CHP1: variants seen among roughly 807,000 people sequenced by gnomAD.
CHP1 encodes calcineurin like EF-hand protein 1.
Under a neutral mutation model 27.4 loss-of-function variants are expected in CHP1, and 11 were observed. That is an observed-to-expected ratio of 0.40 (90% CI 0.25 to 0.67). The LOEUF (loss-of-function observed/expected upper bound fraction) is 0.67, where lower values mean the gene tolerates loss of function less well. Among genes scored for constraint, CHP1 ranks in the 30% least tolerant of loss-of-function variants. The pLI, the probability that CHP1 is intolerant of heterozygous loss-of-function variation, is 0.38. For missense variants in CHP1, 169 were observed against 251.3 expected, an observed-to-expected ratio of 0.67 and a Z score of 2.22; for synonymous variants, 89 against 87.4, an observed-to-expected ratio of 1.02 and a Z score of -0.10.
At position 41,240,670 on chromosome 15, in the gene CHP1, G is replaced by T. The variant is rs1051129980; in HGVS notation, c.68-2997G>T. On this transcript the variant is annotated intron_variant, in intron 1 of 6. Coordinates refer to ENST00000334660, the MANE Select transcript of CHP1 (RefSeq NM_007236.5). ...TGGGAGGCTGAGGCTGGAGAATCAC[G>T]GGAACCCAGAAGGCGGAGGTTGTGG... 1.8e-4 allele frequency among the ~76,000 whole-genome samples: 27 copies of T among 150,910 alleles called. No individual in the cohort carries two copies. In the Admixed American group the frequency reaches 1.8e-3, roughly 10 times the overall value.
intron 3 of CHP1, among the ~76,000 whole-genome samples, chr15:41,259,680 C>G (rs1307614331): frequency 6.6e-6 from 1 of 152,174 alleles, no homozygotes; most frequent in Non-Finnish European, 1.5e-5. Flanking sequence ...TTCCTCAGAT[C>G]TGACATTTTT....
At chr15:41,262,026 G>A (rs188739576) in intron 3 of CHP1, among the ~76,000 whole-genome samples, 2 of 150,450 alleles carry the variant, frequency 1.3e-5, no homozygotes, top group East Asian at 1.9e-4. Flanking sequence ...AAAATTAGCC[G>A]GGCATGGTGG....
At chr15:41,264,093 TA>T in intron 4 of CHP1, 1 of 778,676 alleles carries the variant, frequency 1.3e-6, no homozygotes, top group Non-Finnish European at 1.9e-6. Flanking sequence ...TGTTTTATCC[TA>T]AAGTATTATG....
At chr15:41,257,039 A>G in intron 3 of CHP1, 49 bp downstream of exon 3, 1 of 1,399,852 alleles carries the variant, frequency 7.1e-7, no homozygotes, top group Non-Finnish European at 1.0e-6. Context: ...ATCACAACCT[A>G]AATTATTTGC....
intron 5 of CHP1, 41 bp from the exon 6 acceptor site, chr15:41,278,726 A>G (rs1197014437): frequency 5.6e-6 from 9 of 1,612,560 alleles, no homozygotes; most frequent in Non-Finnish European, 7.6e-6. Context: ...AGTCCCTCTG[A>G]TTCCCAAGGC....
chr15:41,244,658 A>G (rs2047324574), intron 2 of CHP1, among the ~76,000 whole-genome samples: 1 of 152,162 alleles, frequency 6.6e-6, no homozygotes, highest in Admixed American at 6.6e-5. Flanking sequence ...GACAGCCCCC[A>G]TGACAAATAA....
At chr15:41,268,599 G>C (rs886792681) in intron 4 of CHP1, among the ~76,000 whole-genome samples, 17 of 149,268 alleles carry the variant, frequency 1.1e-4, no homozygotes, top group African/African-American at 4.2e-4. Context: ...CCGAGATCAT[G>C]CCACTGCACT....
intron 2 of CHP1, among the ~76,000 whole-genome samples, chr15:41,246,184 C>T (rs2047333447): frequency 1.3e-5 from 2 of 152,058 alleles, no homozygotes; most frequent in Non-Finnish European, 2.9e-5. Flanking sequence ...TCAGACTTAA[C>T]CACCCAGTAA....
chr15:41,234,210 A>G (rs1451844026), intron 1 of CHP1: 4 of 151,858 alleles, frequency 2.6e-5, no homozygotes, highest in African/African-American at 7.3e-5. Context: ...GGCCACTTCA[A>G]CCTCCCAAAG....
chr15:41,238,296 T>C (rs964143395), intron 1 of CHP1, among the ~76,000 whole-genome samples: 12 of 151,966 alleles, frequency 7.9e-5, no homozygotes, highest in Non-Finnish European at 1.6e-4. Context: ...TAGCTCAGCG[T>C]ACAGGAATGC....
chr15:41,267,929 TA>T (rs57565577), intron 4 of CHP1, among the ~76,000 whole-genome samples: 1,541 of 117,196 alleles, frequency 0.013, 7 homozygotes, highest in Non-Finnish European at 0.014. Flanking sequence ...CCCTATCTCT[TA>T]AAAAAAAAAA....
intron 1 of CHP1, among the ~76,000 whole-genome samples, chr15:41,238,393 C>T (rs1017685347): frequency 1.3e-5 from 2 of 151,852 alleles, no homozygotes; most frequent in East Asian, 1.9e-4. Flanking sequence ...ACTGGCCTTT[C>T]GTCAAGGGAT....
intron 1 of CHP1, among the ~76,000 whole-genome samples, chr15:41,233,233 A>G (rs2047261235): frequency 6.6e-6 from 1 of 152,236 alleles, no homozygotes; most frequent in African/African-American, 2.4e-5. Flanking sequence ...GAATTAAAGT[A>G]TTTGTGTTAA....
intron 6 of CHP1, 113 bp from the exon 7 acceptor site, chr15:41,279,223 A>G: frequency 1.1e-6 from 1 of 922,988 alleles, no homozygotes; most frequent in Middle Eastern, 2.2e-4. Context: ...AAAAAAAAAA[A>G]AAAGTTACGT....
At chr15:41,251,827 G>C (rs571389256) in intron 2 of CHP1, among the ~76,000 whole-genome samples, 23 of 146,400 alleles carry the variant, frequency 1.6e-4, no homozygotes, top group Non-Finnish European at 3.0e-4. Flanking sequence ...TTTTTAATTA[G>C]AGACAGGGTT....
At chr15:41,240,166 A>T (rs1039598135) in intron 1 of CHP1, among the ~76,000 whole-genome samples, 4 of 151,982 alleles carry the variant, frequency 2.6e-5, no homozygotes, top group Non-Finnish European at 5.9e-5. Context: ...GGTTTAAAAT[A>T]ATTTTATTTT....
rs1269774018 is a variant in CHP1, at chr15:41,231,371, C to T, written c.-12C>T. On this transcript the variant is annotated 5_prime_UTR_variant, in exon 1 of 7. Transcript: ENST00000334660. ...TGGCGCCGCTGCTCCCGGAGGAGCT[C>T]CCGGCACGGCGATGGGTTCTCGGGC... 1.1e-5 allele frequency: 17 copies of T among 1,594,192 alleles called. No homozygotes were observed. The highest frequency in any genetic ancestry group is 2.3e-5 in the South Asian group (2 of 87,662).
intron 3 of CHP1, among the ~76,000 whole-genome samples, 185 bp from the exon 4 acceptor site, chr15:41,262,571 A>G (rs1595479292): frequency 6.6e-6 from 1 of 152,360 alleles, no homozygotes; most frequent in East Asian, 1.9e-4. Flanking sequence ...CACCTGCCTT[A>G]CAAGGTTGGG....
intron 1 of CHP1, among the ~76,000 whole-genome samples, chr15:41,241,745 C>T (rs138464147): frequency 2.9e-4 from 44 of 152,316 alleles, no homozygotes; most frequent in African/African-American, 9.6e-4. Context: ...AGTGTGTCCT[C>T]TTATCCCAGC....
Sources: gnomAD v4.1 joint callset for allele counts (sites outside exome capture counted in the v4.1 genomes callset) on GRCh38, gnomAD v4.1.1 for gene constraint, MANE v1.5 for transcripts, NCBI Gene and HGNC (gene_info 2026-07-23, HGNC 2026-07-21) for gene names.